HNF4G: variants seen among roughly 807,000 people sequenced by gnomAD.
The protein encoded by HNF4G is hepatocyte nuclear factor 4 gamma.
A neutral mutation model predicts 50.9 loss-of-function variants in HNF4G; 21 were observed. That is an observed-to-expected ratio of 0.41 (90% CI 0.29 to 0.59). The LOEUF is 0.59. HNF4G is among the 20% of genes least tolerant of loss of function. The pLI is 0.26. For synonymous variants in HNF4G, 198 were observed against 185.6 expected, an observed-to-expected ratio of 1.07 and a Z score of -0.54; for missense variants, 527 against 559.4, an observed-to-expected ratio of 0.94 and a Z score of 0.58.
At chr8:75,427,367 C>T (rs2130507714) in intron 1 of HNF4G, among the ~76,000 whole-genome samples, 1 of 152,186 alleles carries the variant, frequency 6.6e-6, no homozygotes, top group African/African-American at 2.4e-5. Context: ...CACTTGAGGT[C>T]AGGAGTTCAA....
At chr8:75,435,086 T>C (rs1373419004) in intron 1 of HNF4G, among the ~76,000 whole-genome samples, 1 of 152,190 alleles carries the variant, frequency 6.6e-6, no homozygotes, top group African/African-American at 2.4e-5. Flanking sequence ...GTAATTTTGA[T>C]ATCAAACCAA....
upstream of HNF4G, among the ~76,000 whole-genome samples, chr8:75,538,312 C>G (rs1806523872): frequency 6.6e-6 from 1 of 152,130 alleles, no homozygotes; most frequent in African/African-American, 2.4e-5. Context: ...TACTGTCACC[C>G]GCGGGAACAG....
chr8:75,454,632 C>T (rs1477414476), intron 1 of HNF4G, among the ~76,000 whole-genome samples: 2 of 152,192 alleles, frequency 1.3e-5, no homozygotes, highest in East Asian at 1.9e-4. Flanking sequence ...CAGAAGGCCT[C>T]TTCTCCCTAT....
At chr8:75,475,878 C>T (rs72660009) in intron 1 of HNF4G, among the ~76,000 whole-genome samples, 17,584 of 151,988 alleles carry the variant, frequency 0.12, 1,343 homozygotes, top group African/African-American at 0.22. Flanking sequence ...GCGACAATAA[C>T]GTACTTTCAA....
chr8:75,413,903 A>G (rs1336755864), intron 1 of HNF4G, among the ~76,000 whole-genome samples: 1 of 152,156 alleles, frequency 6.6e-6, no homozygotes, highest in Non-Finnish European at 1.5e-5. Context: ...CATGCTAAGT[A>G]TAATTGTTGA....
chr8:75,490,451 T>A (rs1450747723), intron 2 of HNF4G, among the ~76,000 whole-genome samples: 1 of 152,202 alleles, frequency 6.6e-6, no homozygotes, highest in Non-Finnish European at 1.5e-5. Flanking sequence ...TTATTTCTGA[T>A]CTATTGCTTA....
At chr8:75,484,399 A>AT (rs35247308) in intron 1 of HNF4G, among the ~76,000 whole-genome samples, 34,768 of 152,070 alleles carry the variant, frequency 0.23, 5,186 homozygotes, top group African/African-American at 0.43. Flanking sequence ...TTGTGGAAAC[A>AT]ACCTTTGAGT....
chr8:75,448,719 C>G (rs1356974113), intron 1 of HNF4G, among the ~76,000 whole-genome samples: 1 of 151,806 alleles, frequency 6.6e-6, no homozygotes, highest in East Asian at 1.9e-4. Flanking sequence ...AAAAGGACAA[C>G]TATCTATCTG....
chr8:75,417,123 A>G (rs77851010), intron 1 of HNF4G, among the ~76,000 whole-genome samples: 53 of 4,868 alleles, frequency 0.011, no homozygotes, highest in East Asian at 0.026. Context: ...GCGTGTGCGC[A>G]CACACACACA....
intron 1 of HNF4G, among the ~76,000 whole-genome samples, chr8:75,479,776 A>T (rs1812331978): frequency 1.3e-5 from 2 of 152,132 alleles, no homozygotes; most frequent in African/African-American, 4.8e-5. Context: ...AAAAAAAAGA[A>T]CATTTCTTTA....
intron 6 of HNF4G, 66 bp from the exon 7 acceptor site, chr8:75,558,452 A>G: frequency 6.9e-7 from 1 of 1,450,586 alleles, no homozygotes; most frequent in African/African-American, 1.4e-5. Flanking sequence ...AATTTTAAAC[A>G]GTGCTGACAA....
chr8:75,435,794 A>G (rs946375380), intron 1 of HNF4G, among the ~76,000 whole-genome samples: 1 of 152,034 alleles, frequency 6.6e-6, no homozygotes, highest in African/African-American at 2.4e-5. Context: ...GGGTTTCTCC[A>G]TGTTAGCTAG....
At chr8:75,516,669 C>A (rs1805896468) in intron 2 of HNF4G, among the ~76,000 whole-genome samples, 1 of 152,056 alleles carries the variant, frequency 6.6e-6, no homozygotes, top group Non-Finnish European at 1.5e-5. Flanking sequence ...CTGAAGAATT[C>A]AACTGTTATT....
intron 1 of HNF4G, among the ~76,000 whole-genome samples, chr8:75,484,611 T>C (rs1812454664): frequency 6.6e-6 from 1 of 152,218 alleles, no homozygotes; most frequent in Non-Finnish European, 1.5e-5. Flanking sequence ...AACTCTAATT[T>C]TCCTTCATGG....
intron 2 of HNF4G, among the ~76,000 whole-genome samples, chr8:75,498,579 C>A (rs902540822): frequency 1.3e-5 from 2 of 151,842 alleles, no homozygotes; most frequent in African/African-American, 4.8e-5. Flanking sequence ...GATAACAAAA[C>A]CAGATGAAGA....
intron 1 of HNF4G, among the ~76,000 whole-genome samples, chr8:75,542,495 G>A (rs1411433344): frequency 6.8e-6 from 1 of 146,966 alleles, no homozygotes; most frequent in Admixed American, 6.9e-5. Context: ...GGAACAGCAG[G>A]TGAACAAGTT....
intron 1 of HNF4G, among the ~76,000 whole-genome samples, chr8:75,410,263 C>T (rs1810469539): frequency 1.3e-5 from 2 of 152,084 alleles, no homozygotes; most frequent in Non-Finnish European, 2.9e-5. Context: ...ATAGATATTG[C>T]CAAGAGCCTT....
intron 2 of HNF4G, among the ~76,000 whole-genome samples, chr8:75,496,796 CATT>C (rs558889211): frequency 1.5e-3 from 216 of 141,856 alleles, no homozygotes; most frequent in Non-Finnish European, 2.5e-3. Flanking sequence ...GCATCAAATA[CATT>C]ATTACTATAT....
chr8:75,503,916 T>C (rs1306005402), intron 2 of HNF4G, among the ~76,000 whole-genome samples: 2 of 152,142 alleles, frequency 1.3e-5, no homozygotes, highest in East Asian at 1.9e-4. Flanking sequence ...GTGGGTTATG[T>C]TTAGAATACA....
Sources: allele counts gnomAD v4.1 joint callset (sites outside exome capture counted in the v4.1 genomes callset), GRCh38; gene constraint gnomAD v4.1.1; transcripts MANE v1.5; gene names NCBI Gene and HGNC (gene_info 2026-07-23, HGNC 2026-07-21).